The following TMPRSS6 variants were observed in gnomAD, a reference collection of about 807,000 sequenced individuals.
TMPRSS6 encodes the protein transmembrane serine protease 6, also known as transmembrane protease serine 6.
Under a neutral mutation model 101.5 loss-of-function variants are expected in TMPRSS6, and 67 were observed. The observed-to-expected ratio is 0.66, with a 90% confidence interval of 0.54 to 0.81. The LOEUF is 0.81. TMPRSS6 is among the 30% of genes least tolerant of loss of function. The probability of loss-of-function intolerance (pLI) is 0.00; values close to 1 mark genes in which losing one functional copy is unlikely to be tolerated. For synonymous variants in TMPRSS6, 453 were observed against 464.9 expected (o/e 0.97, Z 0.33); for missense variants, 1,034 against 1,088.7 (o/e 0.95, Z 0.71).
chr22:37,094,423 A>ATAGT (rs1929563794), intron 6 of TMPRSS6, among the ~76,000 whole-genome samples: 1 of 129,046 alleles, frequency 7.7e-6, no homozygotes, highest in Non-Finnish European at 1.7e-5. Context: ...AGATAGATAG[A>ATAGT]TAGATATAAA....
upstream of TMPRSS6, among the ~76,000 whole-genome samples, chr22:37,109,741 GAGAA>G (rs1460607871): frequency 6.6e-6 from 1 of 152,208 alleles, no homozygotes; most frequent in East Asian, 1.9e-4. Context: ...CAGGAGGTAG[GAGAA>G]GGCAGTGCCT....
chr22:37,073,156 G>A lies in TMPRSS6; in HGVS notation c.1555+376C>T, dbSNP rs781516878. 2.2e-3 allele frequency among the ~76,000 whole-genome samples: 293 copies of A among 133,138 alleles called. 4 individuals are homozygous for A. The highest frequency in any genetic ancestry group is 9.6e-3 in the African/African-American group (287 of 29,908). The allele number at this position is 133,138 out of a possible 152,430, so 87.3% of individuals were successfully genotyped here. On this transcript the variant is annotated intron_variant, in intron 13 of 17. Transcript: ENST00000676104. ...GGTGGATGGGTGGGTGGGTAGATGGGTGGGTGGATGGATGGATGGATGGAT... is the reference window on the plus strand; with the variant it reads ...GGTGGATGGGTGGGTGGGTAGATGGATGGGTGGATGGATGGATGGATGGAT...
In TMPRSS6 at chr22:37,073,560, G is replaced by C. The variant is rs758508265; in HGVS notation, c.1527C>G (p.Asn509Lys). The C allele has an allele frequency of 2.5e-6, 4 of 1,613,894 alleles. No homozygotes were observed. In the South Asian group the frequency reaches 4.4e-5, roughly 18 times the overall value. ...KVCDGQPDCL[N>K]GSDEEQCQEG... is the part of the protein sequence containing the mutation. ...CCTGGCACTGCTCTTCGTCGCTGCCGTTGAGACAATCAGGCTGCCCATCAC... is the reference window on the plus strand; with the variant it reads ...CCTGGCACTGCTCTTCGTCGCTGCCCTTGAGACAATCAGGCTGCCCATCAC... The change falls in exon 13 of 18, where the codon AAC becomes AAG. Residue 509 changes from asparagine to lysine, a missense_variant. Coordinates refer to ENST00000676104, the MANE Select transcript of TMPRSS6 (RefSeq NM_001374504.1).
Position 37,096,682 on chromosome 22 carries a change from T to C in TMPRSS6, c.370A>G (p.Thr124Ala). ...KELITSTRLG[T>A]YYNSSSVYSF... ...TAGACGGAGCTGGAGTTGTAGTAAGTTCCCAGGCGGGTGCTGGTGATGAGC... is the reference window on the plus strand; with the variant it reads ...TAGACGGAGCTGGAGTTGTAGTAAGCTCCCAGGCGGGTGCTGGTGATGAGC... Residue 124 changes from threonine (T) to alanine (A), a missense_variant, in exon 4 of 18, where the codon ACT (threonine) becomes GCT (alanine). By Grantham distance (58) the Thr-to-Ala change is moderately conservative. Transcript: ENST00000676104. 6.4e-7 allele frequency: 1 copy of C among 1,567,578 alleles called. No homozygotes were observed. Among genetic ancestry groups the C allele is most frequent in the Non-Finnish European group, 8.7e-7 (1 of 1,155,130 alleles).
intron 17 of TMPRSS6, 35 bp from the exon 18 acceptor site, chr22:37,066,273 G>C: frequency 6.4e-7 from 1 of 1,572,550 alleles, no homozygotes; most frequent in Non-Finnish European, 8.6e-7. Context: ...CTGAAGCAGG[G>C]TAAGGGCACC....
chr22:37,069,380 G>GTGAGA lies in TMPRSS6; in HGVS notation c.1842-37_1842-36insTCTCA. 6.7e-7 allele frequency: 1 copy of GTGAGA among 1,496,722 alleles called. No homozygotes were observed. Among genetic ancestry groups the GTGAGA allele is most frequent in the African/African-American group, 1.4e-5 (1 of 71,210 alleles). 92.7% of individuals were successfully genotyped at this position (1,496,722 alleles called of 1,614,324 possible). On this transcript the variant is annotated intron_variant, in intron 15 of 17. Coordinates refer to ENST00000676104, the MANE Select transcript of TMPRSS6 (RefSeq NM_001374504.1). The surrounding 1 kb of genome is among the most constrained non-coding windows in gnomAD (Gnocchi z 4.8). ...GTGGGGTGGGGTGGGGTGGGGTGAG[G>GTGAGA]TGAGGTGGGAGGAAGCTGCCTCTCC...
intron 10 of TMPRSS6, chr22:37,083,206 C>T (rs1928400091): frequency 1.8e-5 from 7 of 391,488 alleles, no homozygotes; most frequent in South Asian, 1.2e-4. Flanking sequence ...AGAGTCTCCT[C>T]TTTCCTGACG....
chr22:37,069,163 C>G lies in TMPRSS6; in HGVS notation c.2023G>C (p.Val675Leu). The G allele has an allele frequency of 1.3e-6, 2 of 1,582,156 alleles. No homozygotes were observed. The highest frequency in any genetic ancestry group is 1.7e-6 in the Non-Finnish European group (2 of 1,165,602). Residue 675 changes from valine (V) to leucine (L), a missense_variant, in exon 16 of 18, where the codon GTG becomes CTG. Val to Leu is a conservative substitution (Grantham distance 32). Transcript: ENST00000676104. The surrounding 1 kb of genome is among the most constrained non-coding windows in gnomAD (Gnocchi z 4.8). ...LDHPVVRSAA[V>L]RPVCLPARSH... ...CGCGCGGGCAGGCAGACGGGGCGCA[C>G]GGCGGCCGAGCGCACCACCGGGTGG...
chr22:37,066,383 G>A (rs1370162326), intron 17 of TMPRSS6, 145 bp from the exon 18 acceptor site: 7 of 933,480 alleles, frequency 7.5e-6, no homozygotes, highest in Middle Eastern at 6.2e-4. Context: ...CTTTCCCCTC[G>A]CCTGCTAAAT....
At chr22:37,075,000 T>TACACACAC in intron 11 of TMPRSS6, 135 bp downstream of exon 11, 2 of 1,412,390 alleles carry the variant, frequency 1.4e-6, no homozygotes, top group South Asian at 2.4e-5. Flanking sequence ...TGCAAGCACA[T>TACACACAC]ACACACACAC....
At chr22:37,106,313 C>T (rs560606775) in intron 1 of TMPRSS6, among the ~76,000 whole-genome samples, 4 of 152,158 alleles carry the variant, frequency 2.6e-5, no homozygotes, top group East Asian at 3.9e-4. Flanking sequence ...AACTGAGGCT[C>T]GGAGCAGGTC....
At chr22:37,089,825 A>C (rs759642052) in intron 6 of TMPRSS6, 43 bp from the exon 7 acceptor site, 2 of 1,586,138 alleles carry the variant, frequency 1.3e-6, no homozygotes, top group Non-Finnish European at 1.7e-6. Flanking sequence ...CCTGTGAGCC[A>C]GAAGGAGGGG....
chr22:37,082,972 C>A (rs370398908), intron 10 of TMPRSS6: 193 of 470,978 alleles, frequency 4.1e-4, no homozygotes, highest in African/African-American at 3.6e-3. Context: ...AGCCAACAAG[C>A]AAATTACAAG....
intron 6 of TMPRSS6, among the ~76,000 whole-genome samples, chr22:37,092,333 T>C (rs772997073): frequency 2.6e-4 from 39 of 151,966 alleles, no homozygotes; most frequent in Non-Finnish European, 2.2e-4. Context: ...CTTTTGAAAA[T>C]TATTTTATTT....
rs781538103 is a variant in TMPRSS6, at chr22:37,070,932, C to T, written c.1656G>A (p.Ser552=). The T allele has an allele frequency of 5.8e-5, 94 of 1,613,044 alleles. No homozygotes were observed. The highest frequency in any genetic ancestry group is 7.6e-5 in the Non-Finnish European group (90 of 1,180,004). ...AGGGCTCACCACAGTGCTCCTCATC[C>T]GAGCCGTCCCTGCAGTCGGGCCGCC... is the stretch of plus-strand genomic sequence containing the variant. ...CDGRPDCRDG[S]DEEHCDCGLQ... The change falls in exon 14 of 18, where the codon TCG becomes TCA. Residue 552 remains serine (S), a synonymous_variant. Coordinates refer to ENST00000676104, the MANE Select transcript of TMPRSS6 (RefSeq NM_001374504.1).
In TMPRSS6 at chr22:37,075,134, C is replaced by T. The variant is rs918426003; in HGVS notation, c.1342+1G>A. ...GGGTTCCCCCGGCTGCCCATACTCA[C>T]GGTCCGACTGGTTGTACAAGCCATA... On this transcript the variant is annotated splice_donor_variant, in intron 11 of 17. Coordinates refer to ENST00000676104, the MANE Select transcript of TMPRSS6 (RefSeq NM_001374504.1). LOFTEE classifies it high-confidence loss of function. 10 of 1,613,634 alleles carry T rather than the reference C, an allele frequency of 6.2e-6. No individual in the cohort carries two copies. The highest frequency in any genetic ancestry group is 1.6e-4 in the Middle Eastern group (1 of 6,084).
intron 7 of TMPRSS6, 31 bp from the exon 8 acceptor site, chr22:37,086,450 C>G: frequency 6.5e-7 from 1 of 1,527,628 alleles, no homozygotes; most frequent in South Asian, 1.2e-5. Flanking sequence ...CAAGGCTGGG[C>G]TGGGGTCTGG....
intron 6 of TMPRSS6, among the ~76,000 whole-genome samples, chr22:37,091,670 TTAC>T (rs2146133266): frequency 6.6e-6 from 1 of 152,348 alleles, no homozygotes; most frequent in South Asian, 2.1e-4. Context: ...TAACTCTGAC[TTAC>T]TATTGGTTGC....
intron 10 of TMPRSS6, among the ~76,000 whole-genome samples, 193 bp from the exon 11 acceptor site, chr22:37,075,473 G>T (rs956079721): frequency 2.0e-5 from 3 of 152,228 alleles, no homozygotes; most frequent in Non-Finnish European, 4.4e-5. Flanking sequence ...CTATGCCACT[G>T]CCCTGCTCAA....
Sources: allele counts gnomAD v4.1 joint callset (sites outside exome capture counted in the v4.1 genomes callset), GRCh38; gene constraint gnomAD v4.1.1; non-coding constraint Gnocchi (gnomAD v3.1); transcripts MANE v1.5; gene names NCBI Gene and HGNC (gene_info 2026-07-23, HGNC 2026-07-21).